Variants in NDUFA8 observed in about 807,000 individuals in gnomAD.
The protein encoded by NDUFA8 is NADH:ubiquinone oxidoreductase subunit A8, also known as NADH dehydrogenase [ubiquinone] 1 alpha subcomplex subunit 8.
NDUFA8 carries 16 observed loss-of-function variants against 20.9 expected under a neutral mutation model. The ratio of observed to expected loss-of-function variants is 0.77; its 90% CI spans 0.52 to 1.16. The LOEUF is 1.16. NDUFA8 is among the 50% of genes most tolerant of loss of function. The pLI, the probability that NDUFA8 is intolerant of heterozygous loss-of-function variation, is 0.00. For missense variants in NDUFA8, 202 were observed against 216.4 expected (o/e 0.93, Z 0.42); for synonymous variants, 70 against 76.1 (o/e 0.92, Z 0.41).
chr9:122,144,867 T>C (rs549004560), intron 3 of NDUFA8, among the ~76,000 whole-genome samples: 2 of 152,244 alleles, frequency 1.3e-5, no homozygotes, highest in South Asian at 4.2e-4. Context: ...AAAGACTACA[T>C]ATGAAGATAG....
Position 122,148,141 on chromosome 9 carries a change from C to T in NDUFA8, c.352G>A (p.Val118Met). The T allele has an allele frequency of 6.2e-7, 1 of 1,614,194 alleles. No individual in the cohort carries two copies. The highest frequency in any genetic ancestry group is 8.5e-7 in the Non-Finnish European group (1 of 1,180,036). ...GACAGTTCTCCCAGGTCAGGCCGCACCCAGCCCAGTTTGTCCAGCACACAC... is the reference window on the plus strand; with the variant it reads ...GACAGTTCTCCCAGGTCAGGCCGCATCCAGCCCAGTTTGTCCAGCACACAC... ...DECVLDKLGW[V>M]RPDLGELSKV... The change falls in exon 3 of 4, where the codon GTG (valine) becomes ATG (methionine). Residue 118 changes from valine to methionine, a missense_variant. Transcript: ENST00000373768.
the NDUFA8 span, among the ~76,000 whole-genome samples, chr9:122,134,485 C>T: frequency 1.3e-5 from 2 of 152,178 alleles, no homozygotes; most frequent in African/African-American, 4.8e-5. Flanking sequence ...AAACTTGGTG[C>T]AGTGCTCGGC....
intron 3 of NDUFA8, among the ~76,000 whole-genome samples, chr9:122,146,852 C>T (rs1278622303): frequency 6.6e-6 from 1 of 152,196 alleles, no homozygotes; most frequent in Non-Finnish European, 1.5e-5. Flanking sequence ...GCTGTGATCG[C>T]ACCACTGCAT....
At chr9:122,133,759 C>T in the NDUFA8 span, among the ~76,000 whole-genome samples, 4 of 152,224 alleles carry the variant, frequency 2.6e-5, no homozygotes, top group Admixed American at 2.0e-4. Context: ...AGGGCGAGCG[C>T]GTGAGGTGGA....
At chr9:122,145,183 C>T (rs926320761) in intron 3 of NDUFA8, among the ~76,000 whole-genome samples, 7 of 152,188 alleles carry the variant, frequency 4.6e-5, no homozygotes, top group African/African-American at 1.4e-4. Context: ...TTTAACCTGA[C>T]GGTTAACAGG....
At chr9:122,138,709 T>C in the NDUFA8 span, among the ~76,000 whole-genome samples, 1 of 152,032 alleles carries the variant, frequency 6.6e-6, no homozygotes, top group Non-Finnish European at 1.5e-5. Flanking sequence ...CAGTTCTTGC[T>C]CTCAAGGAGT....
rs182456768 is a variant in NDUFA8 at position 122,146,915 on chromosome 9, C to A, written c.381+1197G>T. 1.6e-4 allele frequency among the ~76,000 whole-genome samples: 25 copies of A among 152,282 alleles called. No individual in the cohort carries two copies. In the East Asian group the frequency reaches 4.8e-3, roughly 29 times the overall value. ...GAGTTTTTTCCTCCATGCCTTGCTACCTGTGCTGCTCCACAGGGAACAGAG... is the reference window on the plus strand; with the variant it reads ...GAGTTTTTTCCTCCATGCCTTGCTAACTGTGCTGCTCCACAGGGAACAGAG... On this transcript the variant is annotated intron_variant, in intron 3 of 3. Coordinates refer to ENST00000373768, the MANE Select transcript of NDUFA8 (RefSeq NM_014222.3).
downstream of NDUFA8, among the ~76,000 whole-genome samples, chr9:122,139,445 A>G (rs543167886): frequency 6.0e-4 from 92 of 152,118 alleles, no homozygotes; most frequent in African/African-American, 2.1e-3. Flanking sequence ...TTGCCTGTTT[A>G]TTGCCTCCAC....
chr9:122,137,233 C>A, the NDUFA8 span, among the ~76,000 whole-genome samples: 7 of 118,576 alleles, frequency 5.9e-5, no homozygotes, highest in African/African-American at 1.9e-4. Context: ...ATTTCTTTTC[C>A]TTTCCTTTTT....
chr9:122,150,602 T>A (rs1430399384), intron 2 of NDUFA8, among the ~76,000 whole-genome samples: 1 of 152,050 alleles, frequency 6.6e-6, no homozygotes, highest in South Asian at 2.1e-4. Flanking sequence ...TCAACAATGA[T>A]GTTCAATAAC....
intron 1 of NDUFA8, among the ~76,000 whole-genome samples, chr9:122,155,137 G>A (rs1829059450): frequency 6.6e-6 from 1 of 152,194 alleles, no homozygotes; most frequent in Non-Finnish European, 1.5e-5. Flanking sequence ...GGAGGGCAGT[G>A]GCGCAATCTC....
chr9:122,147,617 AT>A (rs34576446), intron 3 of NDUFA8, among the ~76,000 whole-genome samples: 95 of 106,770 alleles, frequency 8.9e-4, no homozygotes, highest in East Asian at 6.2e-3. Context: ...GCCTAAAGAA[AT>A]TTTTTTTTTT....
At chr9:122,151,079 C>A (rs1017837786) in intron 2 of NDUFA8, among the ~76,000 whole-genome samples, 1 of 150,364 alleles carries the variant, frequency 6.7e-6, no homozygotes, top group Non-Finnish European at 1.5e-5. Flanking sequence ...TGTATACATA[C>A]TATGATTATA....
chr9:122,139,985 G>A (rs1828798192), downstream of NDUFA8, among the ~76,000 whole-genome samples: 2 of 152,188 alleles, frequency 1.3e-5, no homozygotes, highest in African/African-American at 4.8e-5. Flanking sequence ...GAGCCACCGC[G>A]CCCGGCCCCA....
At chr9:122,158,809 G>GTATA (rs58786810) in intron 1 of NDUFA8, among the ~76,000 whole-genome samples, 1,566 of 148,036 alleles carry the variant, frequency 0.011, 31 homozygotes, top group African/African-American at 0.038. Context: ...GTATGTGTGT[G>GTATA]TATATATATA....
chr9:122,139,219 T>A (rs1238359078), downstream of NDUFA8, among the ~76,000 whole-genome samples: 2 of 152,154 alleles, frequency 1.3e-5, no homozygotes, highest in African/African-American at 4.8e-5. Flanking sequence ...GCCAAAAGGT[T>A]TGTTCCTGCA....
the NDUFA8 span, among the ~76,000 whole-genome samples, chr9:122,136,065 C>T: frequency 1.3e-5 from 2 of 152,192 alleles, no homozygotes; most frequent in Admixed American, 6.5e-5. Context: ...GAGTCACTTT[C>T]GTCCTTTTCA....
downstream of NDUFA8, chr9:122,143,925 A>C: frequency 1.9e-6 from 1 of 528,654 alleles, no homozygotes; most frequent in Non-Finnish European, 3.0e-6. Flanking sequence ...CTGTTCTAAC[A>C]GGGATCCCCA....
the NDUFA8 span, among the ~76,000 whole-genome samples, chr9:122,136,190 T>C: frequency 1.3e-5 from 2 of 152,180 alleles, no homozygotes; most frequent in Admixed American, 1.3e-4. Context: ...TTACAAGCAA[T>C]GCCAAATGAA....
Sources: gnomAD v4.1 joint callset for allele counts (sites outside exome capture counted in the v4.1 genomes callset) on GRCh38, gnomAD v4.1.1 for gene constraint, MANE v1.5 for transcripts, NCBI Gene and HGNC (gene_info 2026-07-23, HGNC 2026-07-21) for gene names.